AGBL4: variants seen among roughly 807,000 people sequenced by gnomAD.
The protein encoded by AGBL4 is cytosolic carboxypeptidase 6.
AGBL4 carries 58 observed loss-of-function variants against 66.4 expected under a neutral mutation model. The observed-to-expected ratio is 0.87, with a 90% confidence interval of 0.71 to 1.09. The LOEUF is 1.09. Among genes scored for constraint, AGBL4 ranks in the 50% least tolerant of loss-of-function variants. The probability of loss-of-function intolerance (pLI) is 0.00; values close to 1 mark genes in which losing one functional copy is unlikely to be tolerated. For missense variants in AGBL4, 579 were observed against 631.0 expected (o/e 0.92, Z 0.88); for synonymous variants, 234 against 222.9 (o/e 1.05, Z -0.44).
In AGBL4 at chr1:48,858,698, C is replaced by A. The variant is rs149062038; in HGVS notation, c.634+8493G>T. Among the ~76,000 whole-genome samples, 7 of 152,192 alleles carry A rather than the reference C, an allele frequency of 4.6e-5. No homozygotes were observed. The East Asian group carries it at 1.2e-3, about 25-fold the overall frequency. ...GAAAAGGAGAAATTGAGAATGACTGCCAGTCGGTATGGAGTTTATGTTTGG... is the reference window on the plus strand; with the variant it reads ...GAAAAGGAGAAATTGAGAATGACTGACAGTCGGTATGGAGTTTATGTTTGG... On this transcript the variant is annotated intron_variant, in intron 6 of 13. Coordinates refer to ENST00000371839, the MANE Select transcript of AGBL4 (RefSeq NM_032785.4).
chr1:49,603,071 C>A (rs1644992731), intron 3 of AGBL4, among the ~76,000 whole-genome samples: 1 of 151,946 alleles, frequency 6.6e-6, no homozygotes, highest in Non-Finnish European at 1.5e-5. Flanking sequence ...GATTATATAG[C>A]CAGTCAGTGT....
At chr1:49,096,537 T>C (rs891526141) in intron 4 of AGBL4, among the ~76,000 whole-genome samples, 38 of 151,396 alleles carry the variant, frequency 2.5e-4, no homozygotes, top group Non-Finnish European at 1.0e-4. Flanking sequence ...ATGTCCTTTG[T>C]AGGGACATGG....
intron 6 of AGBL4, among the ~76,000 whole-genome samples, chr1:48,730,999 T>C (rs914561726): frequency 2.0e-5 from 3 of 152,172 alleles, no homozygotes; most frequent in Non-Finnish European, 4.4e-5. Context: ...CCCATCCCTC[T>C]GCTATCGGGT....
chr1:48,562,144 G>A (rs1218893348), intron 11 of AGBL4, among the ~76,000 whole-genome samples: 3 of 152,144 alleles, frequency 2.0e-5, no homozygotes, highest in Middle Eastern at 3.2e-3. Context: ...CCTCTCAATC[G>A]TGAGTAAGAT....
chr1:49,829,304 A>G (rs1016866440), intron 2 of AGBL4, among the ~76,000 whole-genome samples: 1 of 152,208 alleles, frequency 6.6e-6, no homozygotes, highest in African/African-American at 2.4e-5. Context: ...AATGCCTTAT[A>G]GGTCATGTGT....
intron 1 of AGBL4, among the ~76,000 whole-genome samples, chr1:49,933,928 A>G (rs1653644782): frequency 6.6e-6 from 1 of 152,210 alleles, no homozygotes; most frequent in South Asian, 2.1e-4. Context: ...TTACTTTAAC[A>G]TAAATTAAAC....
At chr1:49,186,337 T>C (rs1647016107) in intron 4 of AGBL4, among the ~76,000 whole-genome samples, 1 of 152,232 alleles carries the variant, frequency 6.6e-6, no homozygotes, top group Middle Eastern at 3.4e-3. Context: ...AATGGGAAAA[T>C]AAAGCAGGAA....
At chr1:49,379,107 A>AG (rs1644535743) in intron 3 of AGBL4, among the ~76,000 whole-genome samples, 1 of 152,056 alleles carries the variant, frequency 6.6e-6, no homozygotes, top group Non-Finnish European at 1.5e-5. Context: ...TGGAAGCATC[A>AG]GGGGGTCTAA....
chr1:48,808,077 A>G (rs993777384), intron 6 of AGBL4, among the ~76,000 whole-genome samples: 1 of 152,160 alleles, frequency 6.6e-6, no homozygotes, highest in African/African-American at 2.4e-5. Flanking sequence ...GCCAAGCAGT[A>G]TAAGTCAGTG....
intron 1 of AGBL4, among the ~76,000 whole-genome samples, chr1:49,904,950 A>G (rs1281096097): frequency 6.6e-6 from 1 of 152,174 alleles, no homozygotes; most frequent in Admixed American, 6.6e-5. Context: ...AAAGAGAACA[A>G]TGCCTATAAA....
intron 6 of AGBL4, among the ~76,000 whole-genome samples, chr1:48,780,562 A>G (rs1460299608): frequency 1.3e-5 from 2 of 152,228 alleles, no homozygotes; most frequent in Non-Finnish European, 2.9e-5. Context: ...ACAGCATAGT[A>G]CTGGTACCAA....
intron 1 of AGBL4, among the ~76,000 whole-genome samples, chr1:49,904,010 T>C (rs1650024538): frequency 6.6e-6 from 1 of 152,164 alleles, no homozygotes; most frequent in Non-Finnish European, 1.5e-5. Flanking sequence ...TGGATACATT[T>C]ATTCATTAAG....
intron 5 of AGBL4, among the ~76,000 whole-genome samples, chr1:48,911,619 CAAAAAAA>C (rs746193402): frequency 1.4e-5 from 1 of 70,286 alleles, no homozygotes; most frequent in Non-Finnish European, 3.0e-5. Flanking sequence ...AACTCCGTCT[CAAAAAAA>C]AAAAAAAAAA....
intron 11 of AGBL4, among the ~76,000 whole-genome samples, chr1:48,576,843 T>C (rs191427142): frequency 2.4e-4 from 37 of 152,290 alleles, no homozygotes; most frequent in Admixed American, 6.5e-4. Context: ...GTGTGGTGGA[T>C]GTGGGAGTTG....
intron 3 of AGBL4, among the ~76,000 whole-genome samples, chr1:49,606,448 A>C (rs1481539550): frequency 1.3e-5 from 2 of 152,058 alleles, no homozygotes; most frequent in Non-Finnish European, 2.9e-5. Flanking sequence ...AGTCAATGAG[A>C]ATGTTTGATC....
At chr1:48,678,093 A>G (rs1408506463) in intron 6 of AGBL4, among the ~76,000 whole-genome samples, 1 of 152,162 alleles carries the variant, frequency 6.6e-6, no homozygotes, top group Non-Finnish European at 1.5e-5. Flanking sequence ...TGGGGCAGTG[A>G]CAAGCCCAGC....
chr1:49,259,281 G>C (rs1213152190), intron 3 of AGBL4, among the ~76,000 whole-genome samples: 1 of 151,726 alleles, frequency 6.6e-6, no homozygotes, highest in Non-Finnish European at 1.5e-5. Context: ...ACTTCATAAT[G>C]ACAGGATCAA....
intron 2 of AGBL4, among the ~76,000 whole-genome samples, chr1:49,718,223 T>G (rs1390119076): frequency 6.6e-6 from 1 of 152,008 alleles, no homozygotes; most frequent in Admixed American, 6.6e-5. Context: ...AGAAGTGAGT[T>G]CTCACACAGT....
At chr1:49,538,595 A>G (rs762183647) in intron 3 of AGBL4, among the ~76,000 whole-genome samples, 10 of 152,230 alleles carry the variant, frequency 6.6e-5, no homozygotes, top group Non-Finnish European at 1.5e-4. Context: ...AAAAATACAC[A>G]CAAAGACTGA....
Sources: allele counts gnomAD v4.1 joint callset (sites outside exome capture counted in the v4.1 genomes callset), GRCh38; gene constraint gnomAD v4.1.1; transcripts MANE v1.5; gene names NCBI Gene and HGNC (gene_info 2026-07-23, HGNC 2026-07-21).